The following SMIM35 variants were observed in gnomAD, a reference collection of about 807,000 sequenced individuals.
SMIM35 encodes TMPRSS4 antisense RNA 1 (non-protein coding).
rs183249211 is a variant in SMIM35 at position 118,009,083 on chromosome 11, G to T, written c.*34-2707C>A. Among the ~76,000 whole-genome samples the T allele has an allele frequency of 1.1e-4, 17 of 152,320 alleles. 1 individual carries two copies. The highest frequency in any genetic ancestry group is 1.1e-3 in the Admixed American group (17 of 15,310). On this transcript the variant is annotated intron_variant, in intron 4 of 4. Transcript: ENST00000689828. Reference sequence around the variant, plus strand: ...CTGGCATGAAGAATGGGCAGAATTTGGTGATTTGGAGGTCAAGGAAGTTCT... The same window carrying T: ...CTGGCATGAAGAATGGGCAGAATTTTGTGATTTGGAGGTCAAGGAAGTTCT...
At chr11:118,082,260 G>A (rs1945191944) in intron 1 of SMIM35, among the ~76,000 whole-genome samples, 1 of 152,166 alleles carries the variant, frequency 6.6e-6, no homozygotes, top group Non-Finnish European at 1.5e-5. Flanking sequence ...TCATTCTACA[G>A]ATGAAGAAAT....
intron 4 of SMIM35, among the ~76,000 whole-genome samples, chr11:118,011,795 C>G (rs2058152025): frequency 6.6e-6 from 1 of 152,186 alleles, no homozygotes; most frequent in Admixed American, 6.5e-5. Flanking sequence ...CCGAAGACAA[C>G]TCATCTCCCC....
At chr11:118,045,692 C>G (rs547710707) in intron 1 of SMIM35, among the ~76,000 whole-genome samples, 2 of 152,168 alleles carry the variant, frequency 1.3e-5, no homozygotes, top group South Asian at 2.1e-4. Context: ...GAAACTAGAC[C>G]CATTGGTTTG....
At chr11:118,062,253 C>A (rs1036971372) in intron 1 of SMIM35, among the ~76,000 whole-genome samples, 1 of 152,184 alleles carries the variant, frequency 6.6e-6, no homozygotes, top group African/African-American at 2.4e-5. Context: ...TCACTTGAAC[C>A]CTGGTGGTGG....
intron 1 of SMIM35, among the ~76,000 whole-genome samples, chr11:118,049,923 G>A (rs989204563): frequency 2.6e-5 from 4 of 152,046 alleles, no homozygotes; most frequent in African/African-American, 9.7e-5. Context: ...GAGGTGTTGT[G>A]GAGACCTGTG....
intron 1 of SMIM35, chr11:118,077,266 C>T (rs1316731979): frequency 1.9e-6 from 3 of 1,595,520 alleles, no homozygotes; most frequent in East Asian, 2.3e-5. Flanking sequence ...ATCTCAGCTC[C>T]AGGCTACAGG....
chr11:118,065,516 T>C (rs1025618964), intron 1 of SMIM35, among the ~76,000 whole-genome samples: 14 of 152,302 alleles, frequency 9.2e-5, no homozygotes, highest in Admixed American at 5.9e-4. Context: ...CATAGGAGTA[T>C]AACTTTGTAA....
At chr11:118,047,504 G>A (rs1304154161) in intron 1 of SMIM35, among the ~76,000 whole-genome samples, 1 of 152,128 alleles carries the variant, frequency 6.6e-6, no homozygotes, top group African/African-American at 2.4e-5. Context: ...GAATCTTGGT[G>A]GTGGCTCAGG....
intron 4 of SMIM35, among the ~76,000 whole-genome samples, chr11:118,010,963 C>G (rs1004999382): frequency 6.6e-6 from 1 of 152,214 alleles, no homozygotes; most frequent in Non-Finnish European, 1.5e-5. Flanking sequence ...GGCATCTGCT[C>G]CCGAATCGTT....
intron 1 of SMIM35, among the ~76,000 whole-genome samples, chr11:118,080,748 G>A (rs143172676): frequency 4.1e-4 from 62 of 152,276 alleles, no homozygotes; most frequent in African/African-American, 1.5e-3. Flanking sequence ...GGGAACTGCC[G>A]ACAAGCTTCC....
At chr11:118,056,012 G>A (rs928128324) in intron 1 of SMIM35, among the ~76,000 whole-genome samples, 1 of 152,012 alleles carries the variant, frequency 6.6e-6, no homozygotes, top group Non-Finnish European at 1.5e-5. Context: ...AAGCAGAGGA[G>A]GTGGTGAAGG....
chr11:118,049,920 T>C (rs1944182310), intron 1 of SMIM35, among the ~76,000 whole-genome samples: 1 of 151,662 alleles, frequency 6.6e-6, no homozygotes, highest in Non-Finnish European at 1.5e-5. Flanking sequence ...AGGGAGGTGT[T>C]GTGGAGACCT....
chr11:118,060,502 G>A (rs979332449), intron 1 of SMIM35, among the ~76,000 whole-genome samples: 2 of 152,212 alleles, frequency 1.3e-5, no homozygotes, highest in South Asian at 2.1e-4. Flanking sequence ...GGCCGGCAGC[G>A]AGGGCAGGAC....
At chr11:118,030,454 C>T (rs956380813) in intron 1 of SMIM35, among the ~76,000 whole-genome samples, 1 of 152,090 alleles carries the variant, frequency 6.6e-6, no homozygotes, top group African/African-American at 2.4e-5. Flanking sequence ...ATTTTAACAA[C>T]CCAAGATGTT....
intron 1 of SMIM35, among the ~76,000 whole-genome samples, chr11:118,072,143 CA>C (rs540818996): frequency 1.6e-3 from 239 of 152,236 alleles, no homozygotes; most frequent in Admixed American, 3.3e-3. Flanking sequence ...TGGCCAGGCA[CA>C]TATAGACAGA....
At chr11:118,035,533 G>A (rs1031483331) in intron 1 of SMIM35, among the ~76,000 whole-genome samples, 4 of 152,164 alleles carry the variant, frequency 2.6e-5, no homozygotes, top group Non-Finnish European at 5.9e-5. Context: ...AAAAGTACAG[G>A]GGGTCCAGGT....
intron 1 of SMIM35, among the ~76,000 whole-genome samples, chr11:118,083,440 C>G (rs1945310134): frequency 6.6e-6 from 1 of 152,104 alleles, no homozygotes; most frequent in Non-Finnish European, 1.5e-5. Flanking sequence ...CCACAGAGTC[C>G]CCTGCTGAAG....
intron 1 of SMIM35, among the ~76,000 whole-genome samples, chr11:118,078,013 C>CAAAAAAAAAAAAAAAAAAAAAAAAAAAA (rs148383275): frequency 1.4e-5 from 1 of 71,052 alleles, no homozygotes; most frequent in African/African-American, 5.5e-5. Context: ...AACTCCGTCT[C>CAAAAAAAAAAAAAAAAAAAAAAAAAAAA]AAAAAAAAAA....
chr11:118,052,527 A>T (rs1944233267), intron 1 of SMIM35, among the ~76,000 whole-genome samples: 1 of 152,064 alleles, frequency 6.6e-6, no homozygotes, highest in Non-Finnish European at 1.5e-5. Context: ...TGTATTCTTC[A>T]TCTAAGAAAG....
Sources: allele counts gnomAD v4.1 joint callset (sites outside exome capture counted in the v4.1 genomes callset), GRCh38; gene constraint gnomAD v4.1.1; transcripts MANE v1.5; gene names NCBI Gene and HGNC (gene_info 2026-07-23, HGNC 2026-07-21).